The following ANKIB1 variants were observed in gnomAD, a reference collection of about 807,000 sequenced individuals.
The protein encoded by ANKIB1 is ankyrin repeat and IBR domain containing 1.
A neutral mutation model predicts 122.1 loss-of-function variants in ANKIB1; 43 were observed. The observed-to-expected ratio is 0.35, with a 90% confidence interval of 0.28 to 0.45. The LOEUF is 0.45. ANKIB1 is among the 20% of genes least tolerant of loss of function. The pLI, the probability that ANKIB1 is intolerant of heterozygous loss-of-function variation, is 1.00. For missense variants in ANKIB1, 992 were observed against 1,329.5 expected, an observed-to-expected ratio of 0.75 and a Z score of 3.95; for synonymous variants, 390 against 442.0, an observed-to-expected ratio of 0.88 and a Z score of 1.48.
At chr7:92,314,900 G>T (rs1413589672) in intron 3 of ANKIB1, among the ~76,000 whole-genome samples, 3 of 152,124 alleles carry the variant, frequency 2.0e-5, no homozygotes, top group Non-Finnish European at 2.9e-5. Context: ...AAAGCGTCTG[G>T]GTTTGTGTGG....
intron 2 of ANKIB1, among the ~76,000 whole-genome samples, chr7:92,303,338 T>C (rs183859722): frequency 1.3e-5 from 2 of 152,338 alleles, no homozygotes; most frequent in East Asian, 3.9e-4. Flanking sequence ...ACATTGGCAC[T>C]CAAAACATTT....
chr7:92,387,272 G>A (rs1804676449), intron 12 of ANKIB1, among the ~76,000 whole-genome samples: 1 of 151,980 alleles, frequency 6.6e-6, no homozygotes, highest in South Asian at 2.1e-4. Flanking sequence ...TCACATAGAG[G>A]GTAGGGCTTC....
chr7:92,375,036 T>C (rs937708868), intron 11 of ANKIB1, among the ~76,000 whole-genome samples: 2 of 150,206 alleles, frequency 1.3e-5, no homozygotes, highest in African/African-American at 5.1e-5. Context: ...CCACTGCATA[T>C]AAAAGTTTAA....
chr7:92,330,422 C>G (rs1803144965), intron 5 of ANKIB1, among the ~76,000 whole-genome samples: 1 of 151,898 alleles, frequency 6.6e-6, no homozygotes, highest in African/African-American at 2.4e-5. Flanking sequence ...TTTTGAAAAT[C>G]AATGTTTTTG....
chr7:92,285,066 G>A (rs1470955749), intron 1 of ANKIB1, among the ~76,000 whole-genome samples: 12 of 151,992 alleles, frequency 7.9e-5, no homozygotes, highest in Admixed American at 7.9e-4. Context: ...TAGAGGCTAG[G>A]TAGATTTTTT....
rs1357056400 is a variant in ANKIB1 at position 92,398,761 on chromosome 7, A to G, written c.3082A>G (p.Ser1028Gly). The part of the protein sequence containing the change: ...LPEDSMFEDA[S>G]VSEGRGTQIE... ...AGAAGATTCAATGTTTGAAGATGCC[A>G]GTGTCAGTGAAGGTAGAGGAACCCA... is the stretch of plus-strand genomic sequence containing the variant. Residue 1028 changes from serine to glycine, a missense_variant, in exon 20 of 20, where the codon AGT (serine) becomes GGT (glycine). By Grantham distance (56) the Ser-to-Gly change is moderately conservative (BLOSUM62 0). Coordinates refer to ENST00000265742, the MANE Select transcript of ANKIB1 (RefSeq NM_019004.2). 6.2e-7 allele frequency: 1 copy of G among 1,613,488 alleles called. No individual in the cohort carries two copies. Among genetic ancestry groups the G allele is most frequent in the Non-Finnish European group, 8.5e-7 (1 of 1,179,684 alleles).
At chr7:92,302,467 T>C (rs1429341532) in intron 2 of ANKIB1, among the ~76,000 whole-genome samples, 1 of 152,176 alleles carries the variant, frequency 6.6e-6, no homozygotes, top group African/African-American at 2.4e-5. Flanking sequence ...ACATGCTATG[T>C]GGTTATATTA....
intron 1 of ANKIB1, among the ~76,000 whole-genome samples, chr7:92,257,796 A>AAAAAT (rs914419149): frequency 2.4e-4 from 36 of 152,240 alleles, no homozygotes; most frequent in South Asian, 6.2e-4. Flanking sequence ...CTGTCTCAAA[A>AAAAAT]AAAATAAAAT....
At chr7:92,331,070 T>C (rs2131961850) in intron 5 of ANKIB1, among the ~76,000 whole-genome samples, 1 of 152,194 alleles carries the variant, frequency 6.6e-6, no homozygotes, top group South Asian at 2.1e-4. Context: ...TAGAAGCTGT[T>C]CATCAGTGGG....
chr7:92,287,852 GGTGAAACCCCATC>G (rs1294025198), intron 1 of ANKIB1, among the ~76,000 whole-genome samples: 81 of 152,170 alleles, frequency 5.3e-4, no homozygotes, highest in African/African-American at 1.9e-3. Flanking sequence ...TGGCTAACAT[GGTGAAACCCCATC>G]TCTACTAAAA....
At chr7:92,351,720 G>GT (rs1018424517) in intron 8 of ANKIB1, among the ~76,000 whole-genome samples, 2,400 of 116,580 alleles carry the variant, frequency 0.021, 21 homozygotes, top group African/African-American at 0.034. Context: ...TTTTTTTTTT[G>GT]TTTTTTTTTT....
At chr7:92,386,985 A>G (rs1433292810) in intron 12 of ANKIB1, among the ~76,000 whole-genome samples, 3 of 152,314 alleles carry the variant, frequency 2.0e-5, no homozygotes, top group Non-Finnish European at 2.9e-5. Context: ...TAGAAAATAC[A>G]TAGACTGGGT....
intron 11 of ANKIB1, among the ~76,000 whole-genome samples, chr7:92,380,026 C>A (rs941151779): frequency 6.6e-6 from 1 of 152,188 alleles, no homozygotes; most frequent in African/African-American, 2.4e-5. Flanking sequence ...CCGGGAAAAT[C>A]GGGACACTGC....
intron 15 of ANKIB1, 109 bp downstream of exon 15, chr7:92,390,225 ATTTTC>A (rs998598944): frequency 2.1e-5 from 17 of 802,642 alleles, no homozygotes; most frequent in Non-Finnish European, 3.0e-5. Flanking sequence ...TACTAAAACA[ATTTTC>A]TTTTCATTTT....
intron 5 of ANKIB1, among the ~76,000 whole-genome samples, chr7:92,341,313 A>G (rs1803435632): frequency 6.6e-6 from 1 of 151,566 alleles, no homozygotes; most frequent in South Asian, 2.1e-4. Context: ...CTGTCTCAAA[A>G]AAAAAAAAAA....
At chr7:92,269,655 T>G (rs1204083020) in intron 1 of ANKIB1, among the ~76,000 whole-genome samples, 3 of 152,218 alleles carry the variant, frequency 2.0e-5, no homozygotes, top group African/African-American at 7.2e-5. Context: ...GTAACTTGAT[T>G]CATTGATACC....
intron 11 of ANKIB1, among the ~76,000 whole-genome samples, chr7:92,385,301 A>G (rs947276683): frequency 6.6e-6 from 1 of 152,236 alleles, no homozygotes; most frequent in South Asian, 2.1e-4. Flanking sequence ...AACTAGTTCA[A>G]CCATTATGGA....
Position 92,399,156 on chromosome 7 carries a change from T to G in ANKIB1, c.*207T>G, listed in dbSNP as rs1481316855. The G allele has an allele frequency of 2.3e-6, 1 of 428,142 alleles. No individual in the cohort carries two copies. The highest frequency in any genetic ancestry group is 3.9e-5 in the East Asian group (1 of 25,514). The allele number at this position is 428,142 out of a possible 1,614,324, so 26.5% of individuals were successfully genotyped here. A position where few individuals can be genotyped will look rare whatever the true frequency, so the allele number is the denominator to read the frequency against. ...TTTCCTTTGTACTTAATTGAATAGC[T>G]TTTCCCCTTTTTGCTGACAAAAAGA... On this transcript the variant is annotated 3_prime_UTR_variant, in exon 20 of 20. Transcript: ENST00000265742.
chr7:92,308,629 G>A (rs368444818), intron 3 of ANKIB1, among the ~76,000 whole-genome samples: 18 of 151,952 alleles, frequency 1.2e-4, no homozygotes, highest in African/African-American at 2.7e-4. Flanking sequence ...TAAATATATA[G>A]CATTATTTAT....
Sources: allele counts gnomAD v4.1 joint callset (sites outside exome capture counted in the v4.1 genomes callset), GRCh38; gene constraint gnomAD v4.1.1; transcripts MANE v1.5; gene names NCBI Gene and HGNC (gene_info 2026-07-23, HGNC 2026-07-21).